Variants in CDH18 observed in about 807,000 individuals in gnomAD.
CDH18 encodes the protein cadherin-18.
In CDH18, 31 loss-of-function variants were observed where a neutral mutation model predicts 67.9. The observed-to-expected ratio is 0.46, with a 90% CI of 0.34 to 0.62. CDH18 has a LOEUF of 0.62. Among genes scored for constraint, CDH18 ranks in the 20% least tolerant of loss-of-function variants. CDH18 has a pLI of 0.01. For synonymous variants in CDH18, 362 were observed against 347.2 expected (o/e 1.04, Z -0.48); for missense variants, 890 against 975.5 (o/e 0.91, Z 1.17).
At chr5:19,868,570 G>C (rs761119167) in intron 2 of CDH18, among the ~76,000 whole-genome samples, 1 of 152,126 alleles carries the variant, frequency 6.6e-6, no homozygotes, top group African/African-American at 2.4e-5. Flanking sequence ...AGACTCAAAC[G>C]TACCACTTTG....
intron 9 of CDH18, among the ~76,000 whole-genome samples, chr5:19,537,484 G>A (rs184606557): frequency 2.6e-5 from 4 of 151,570 alleles, no homozygotes; most frequent in Middle Eastern, 3.4e-3. Flanking sequence ...ACACACCCAC[G>A]CATCCTCCCT....
intron 9 of CDH18, among the ~76,000 whole-genome samples, chr5:19,534,462 C>A (rs1429926991): frequency 3.3e-5 from 5 of 151,868 alleles, no homozygotes; most frequent in Admixed American, 2.0e-4. Context: ...AATATAGCAA[C>A]ATGAAGGAAA....
At chr5:20,390,874 A>C (rs1270713905) in intron 1 of CDH18, among the ~76,000 whole-genome samples, 3 of 152,130 alleles carry the variant, frequency 2.0e-5, no homozygotes, top group African/African-American at 7.2e-5. Context: ...ATTCTCAGCA[A>C]ACTATCACAA....
intron 2 of CDH18, among the ~76,000 whole-genome samples, chr5:20,042,875 T>C (rs1056918105): frequency 3.3e-5 from 5 of 151,782 alleles, no homozygotes; most frequent in African/African-American, 1.2e-4. Flanking sequence ...GGCAGGAGAA[T>C]GGCGTGAACC....
chr5:20,080,028 T>C (rs1744312754), intron 2 of CDH18, among the ~76,000 whole-genome samples: 1 of 152,050 alleles, frequency 6.6e-6, no homozygotes, highest in Admixed American at 6.6e-5. Flanking sequence ...CCAAATAACA[T>C]CACATTGGCA....
chr5:20,134,160 G>A (rs1749501048), intron 2 of CDH18, among the ~76,000 whole-genome samples: 1 of 151,972 alleles, frequency 6.6e-6, no homozygotes, highest in Admixed American at 6.6e-5. Context: ...TAGTAGACAT[G>A]GAGTTTTGCC....
At chr5:19,816,182 G>A (rs1779268218) in intron 3 of CDH18, among the ~76,000 whole-genome samples, 1 of 151,736 alleles carries the variant, frequency 6.6e-6, no homozygotes, top group Non-Finnish European at 1.5e-5. Flanking sequence ...TAAACAATAT[G>A]GCACACTATT....
At chr5:20,344,598 G>A (rs9292924) in intron 1 of CDH18, among the ~76,000 whole-genome samples, 43,007 of 151,818 alleles carry the variant, frequency 0.28, 6,728 homozygotes, top group East Asian at 0.51. Flanking sequence ...ATACCATACC[G>A]TCTTCACTGT....
chr5:20,048,558 C>A (rs140782574), intron 2 of CDH18, among the ~76,000 whole-genome samples: 1 of 151,698 alleles, frequency 6.6e-6, no homozygotes, highest in East Asian at 1.9e-4. Context: ...ATCAGTATCT[C>A]AGAGTGTTTC....
chr5:19,530,583 T>C (rs1030073670), intron 9 of CDH18, among the ~76,000 whole-genome samples: 13 of 149,052 alleles, frequency 8.7e-5, no homozygotes, highest in Admixed American at 1.3e-4. Context: ...TCCCTCCCCC[T>C]TCCCCCTACC....
At chr5:20,426,060 A>C (rs910418033) in intron 1 of CDH18, among the ~76,000 whole-genome samples, 1 of 151,246 alleles carries the variant, frequency 6.6e-6, no homozygotes, top group Non-Finnish European at 1.5e-5. Context: ...ATCAAATATT[A>C]GGCAATATAT....
chr5:20,365,921 C>T (rs569518526), intron 1 of CDH18, among the ~76,000 whole-genome samples: 45 of 152,238 alleles, frequency 3.0e-4, no homozygotes, highest in African/African-American at 1.0e-3. Flanking sequence ...ATATGATGTG[C>T]CGTTGGCCTT....
chr5:19,524,999 T>C (rs983822494), intron 9 of CDH18, among the ~76,000 whole-genome samples: 3 of 152,048 alleles, frequency 2.0e-5, no homozygotes, highest in Non-Finnish European at 4.4e-5. Flanking sequence ...CCGGCCTCGG[T>C]CTCCCAAAGT....
chr5:20,026,999 T>A (rs990653487), intron 2 of CDH18, among the ~76,000 whole-genome samples: 6 of 151,542 alleles, frequency 4.0e-5, no homozygotes, highest in Admixed American at 3.3e-4. Flanking sequence ...GACCTTGATA[T>A]GGAAATAAAC....
At chr5:20,003,297 T>TG (rs1561703697) in intron 2 of CDH18, among the ~76,000 whole-genome samples, 3 of 150,138 alleles carry the variant, frequency 2.0e-5, no homozygotes, top group African/African-American at 7.3e-5. Context: ...GTGGCTGTGT[T>TG]TGTGTGTGTG....
chr5:19,505,735 G>T (rs1744029035), intron 10 of CDH18, among the ~76,000 whole-genome samples: 1 of 152,038 alleles, frequency 6.6e-6, no homozygotes, highest in Non-Finnish European at 1.5e-5. Context: ...TTTTATTGAG[G>T]ATTTTTGTAT....
At chr5:20,132,403 T>C (rs887558382) in intron 2 of CDH18, among the ~76,000 whole-genome samples, 2 of 152,162 alleles carry the variant, frequency 1.3e-5, no homozygotes, top group Non-Finnish European at 2.9e-5. Flanking sequence ...ATATATTTTA[T>C]TAATAGGGTA....
chr5:20,546,551 T>C (rs1581181264), intron 1 of CDH18, among the ~76,000 whole-genome samples: 1 of 151,492 alleles, frequency 6.6e-6, no homozygotes, highest in Non-Finnish European at 1.5e-5. Flanking sequence ...CAAGAGAGAG[T>C]GAGAGAAGGA....
chr5:20,151,408 ATTCCATG>A (rs1751091413), intron 2 of CDH18, among the ~76,000 whole-genome samples: 1 of 152,100 alleles, frequency 6.6e-6, no homozygotes, highest in African/African-American at 2.4e-5. Context: ...ACCTAGGTTT[ATTCCATG>A]TCTTTGCTAT....
Sources: gnomAD v4.1 joint callset for allele counts (sites outside exome capture counted in the v4.1 genomes callset) on GRCh38, gnomAD v4.1.1 for gene constraint, MANE v1.5 for transcripts, NCBI Gene and HGNC (gene_info 2026-07-23, HGNC 2026-07-21) for gene names.